MYO16: variants seen among roughly 807,000 people sequenced by gnomAD.
The protein encoded by MYO16 is unconventional myosin-XVI.
In MYO16, 94 loss-of-function variants were observed where a neutral mutation model predicts 205.3. The observed-to-expected ratio is 0.46, with a 90% CI of 0.39 to 0.54. The LOEUF (loss-of-function observed/expected upper bound fraction) is 0.54. Among genes scored for constraint, MYO16 ranks in the 20% least tolerant of loss-of-function variants. MYO16 has a pLI of 0.00. For missense variants in MYO16, 2,315 were observed against 2,387.5 expected, an observed-to-expected ratio of 0.97 and a Z score of 0.63; for synonymous variants, 988 against 954.0, an observed-to-expected ratio of 1.04 and a Z score of -0.66.
chr13:108,673,107 C>A (rs1262652733), intron 2 of MYO16, among the ~76,000 whole-genome samples: 2 of 151,618 alleles, frequency 1.3e-5, no homozygotes, highest in African/African-American at 4.8e-5. Flanking sequence ...GAAACTGCTA[C>A]CTCAGGGCTT....
chr13:108,849,795 G>A (rs2139086550), intron 10 of MYO16, among the ~76,000 whole-genome samples: 1 of 142,624 alleles, frequency 7.0e-6, no homozygotes, highest in African/African-American at 2.6e-5. Flanking sequence ...TCCAAATCCT[G>A]TTGAATTTCC....
intron 13 of MYO16, among the ~76,000 whole-genome samples, chr13:108,884,107 G>GT (rs1879743774): frequency 6.6e-6 from 1 of 152,196 alleles, no homozygotes; most frequent in African/African-American, 2.4e-5. Context: ...GTTGTTGTCA[G>GT]TAGTGCTGGT....
intron 1 of MYO16, among the ~76,000 whole-genome samples, chr13:108,650,903 A>C (rs1566528756): frequency 6.6e-6 from 1 of 152,168 alleles, no homozygotes; most frequent in South Asian, 2.1e-4. Context: ...AAAGGGCCAG[A>C]TTTTTTAGAG....
intron 16 of MYO16, among the ~76,000 whole-genome samples, chr13:108,939,221 C>A (rs1882619130): frequency 6.6e-6 from 1 of 152,182 alleles, no homozygotes; most frequent in African/African-American, 2.4e-5. Context: ...CTGAGTTTTT[C>A]CCAGCATCTT....
intron 10 of MYO16, among the ~76,000 whole-genome samples, chr13:108,852,176 C>T (rs1364286745): frequency 6.6e-6 from 1 of 152,236 alleles, no homozygotes; most frequent in African/African-American, 2.4e-5. Flanking sequence ...TTTTTCCCTT[C>T]ACGTACATTT....
intron 27 of MYO16, among the ~76,000 whole-genome samples, chr13:109,056,993 CT>C (rs1408125703): frequency 6.6e-6 from 1 of 152,088 alleles, no homozygotes; most frequent in Non-Finnish European, 1.5e-5. Flanking sequence ...GATTTTGAGA[CT>C]TTTGTTGACT....
chr13:108,839,212 T>G (rs747696550), intron 9 of MYO16, among the ~76,000 whole-genome samples: 4 of 151,910 alleles, frequency 2.6e-5, no homozygotes, highest in Non-Finnish European at 5.9e-5. Flanking sequence ...TCAGTCCCAC[T>G]CCCATTAATC....
chr13:109,156,814 G>A (rs1413164920), intron 32 of MYO16, among the ~76,000 whole-genome samples: 4 of 152,080 alleles, frequency 2.6e-5, no homozygotes, highest in African/African-American at 4.8e-5. Context: ...CCTCCTGCAC[G>A]GCAGTCACCT....
At chr13:108,730,998 C>A (rs1376667570) in intron 4 of MYO16, among the ~76,000 whole-genome samples, 1 of 152,090 alleles carries the variant, frequency 6.6e-6, no homozygotes, top group Non-Finnish European at 1.5e-5. Flanking sequence ...TTCTTTTTCT[C>A]TTTGTTCTTA....
chr13:108,599,829 A>T (rs933386246), intron 1 of MYO16, among the ~76,000 whole-genome samples: 7 of 152,216 alleles, frequency 4.6e-5, no homozygotes, highest in Non-Finnish European at 8.8e-5. Context: ...GAGTTCGGAC[A>T]TGAAATGAGG....
At chr13:108,649,071 T>G in intron 1 of MYO16, among the ~76,000 whole-genome samples, 2 of 119,732 alleles carry the variant, frequency 1.7e-5, no homozygotes, top group African/African-American at 6.2e-5. Context: ...CCAGGGCCTG[T>G]TGTGGGATGG....
At chr13:108,503,148 A>G in the MYO16 span, among the ~76,000 whole-genome samples, 1 of 152,200 alleles carries the variant, frequency 6.6e-6, no homozygotes, top group Non-Finnish European at 1.5e-5. Flanking sequence ...TATAAAACAG[A>G]CATTGAGGCA....
At chr13:108,957,182 G>A (rs1352733459) in intron 16 of MYO16, among the ~76,000 whole-genome samples, 4 of 151,948 alleles carry the variant, frequency 2.6e-5, no homozygotes, top group East Asian at 1.9e-4. Context: ...TCAGGAGTTT[G>A]AGACCAGCCT....
intron 22 of MYO16, among the ~76,000 whole-genome samples, chr13:109,013,455 G>T (rs996101735): frequency 2.6e-5 from 4 of 152,092 alleles, no homozygotes; most frequent in African/African-American, 4.8e-5. Context: ...TACTAGCATG[G>T]TTTATAATCC....
chr13:108,790,549 G>A (rs1199019909), intron 5 of MYO16, among the ~76,000 whole-genome samples: 2 of 151,986 alleles, frequency 1.3e-5, no homozygotes, highest in Admixed American at 1.3e-4. Flanking sequence ...CCCATTATCC[G>A]TTACAACGTA....
intron 16 of MYO16, among the ~76,000 whole-genome samples, chr13:108,953,354 A>G (rs1243592614): frequency 6.6e-6 from 1 of 152,254 alleles, no homozygotes; most frequent in African/African-American, 2.4e-5. Context: ...TACATTGACT[A>G]AAAGTTGCCT....
At position 109,206,885 on chromosome 13, in the gene MYO16, G is replaced by A. The variant is rs1333857263; in HGVS notation, c.*49G>A. On this transcript the variant is annotated 3_prime_UTR_variant, in exon 35 of 35. Transcript: ENST00000457511. The stretch of plus-strand genomic sequence containing the variant: ...AAAATAGAACTGCCTACTGATTCCG[G>A]GCTGCAACAACAGAAGGCTGCCTTC... The A allele has an allele frequency of 6.5e-7, 1 of 1,538,864 alleles. No homozygotes were observed. Among genetic ancestry groups the A allele is most frequent in the Middle Eastern group, 1.7e-4 (1 of 5,850 alleles).
At chr13:108,622,776 A>T (rs1438994420) in intron 1 of MYO16, among the ~76,000 whole-genome samples, 1 of 152,054 alleles carries the variant, frequency 6.6e-6, no homozygotes, top group African/African-American at 2.4e-5. Flanking sequence ...TGGATCATGA[A>T]TCAGAGACAT....
At chr13:108,788,523 C>T (rs1304851140) in intron 5 of MYO16, among the ~76,000 whole-genome samples, 2 of 152,308 alleles carry the variant, frequency 1.3e-5, no homozygotes, top group East Asian at 1.9e-4. Flanking sequence ...CACACACATA[C>T]AGAAATATTC....
Sources: gnomAD v4.1 joint callset for allele counts (sites outside exome capture counted in the v4.1 genomes callset) on GRCh38, gnomAD v4.1.1 for gene constraint, MANE v1.5 for transcripts, NCBI Gene and HGNC (gene_info 2026-07-23, HGNC 2026-07-21) for gene names.